DYNC2H1: variants seen among roughly 807,000 people sequenced by gnomAD.
DYNC2H1 encodes dynein cytoplasmic 2 heavy chain 1.
In DYNC2H1, 410 loss-of-function variants were observed where a neutral mutation model predicts 570.0. The observed-to-expected ratio is 0.72, with a 90% confidence interval of 0.66 to 0.78. DYNC2H1 has a LOEUF of 0.78. Ranked by LOEUF, DYNC2H1 falls within the 30% of genes least tolerant of loss-of-function variation. The pLI is 0.00. For synonymous variants in DYNC2H1, 1,688 were observed against 1,677.6 expected, an observed-to-expected ratio of 1.01 and a Z score of -0.15; for missense variants, 4,865 against 5,046.4, an observed-to-expected ratio of 0.96 and a Z score of 1.09.
At chr11:103,397,388 A>G (rs1942443683) in intron 83 of DYNC2H1, among the ~76,000 whole-genome samples, 1 of 152,226 alleles carries the variant, frequency 6.6e-6, no homozygotes, top group African/African-American at 2.4e-5. Flanking sequence ...CATACTGCAT[A>G]GTCGTTGTAA....
Position 103,334,760 on chromosome 11 carries a change from A to G in DYNC2H1, c.12039+10770A>G, listed in dbSNP as rs1396171940. 6.6e-6 allele frequency among the ~76,000 whole-genome samples: 1 copy of G among 152,092 alleles called. No homozygotes were observed. Among genetic ancestry groups the G allele is most frequent in the Admixed American group, 6.5e-5 (1 of 15,282 alleles). ...TTAAAGTAGAGAGGATTTTTGTTTC[A>G]TGATAGAATTGACTGCTTGTAGAAC... is the stretch of plus-strand genomic sequence containing the variant. On this transcript the variant is annotated intron_variant, in intron 82 of 88. Transcript: ENST00000375735. The surrounding 1 kb of genome is among the most constrained non-coding windows in gnomAD (Gnocchi z 4.3).
chr11:103,141,790 G>A (rs1402109524), intron 17 of DYNC2H1, among the ~76,000 whole-genome samples: 1 of 152,222 alleles, frequency 6.6e-6, no homozygotes, highest in Admixed American at 6.5e-5. Flanking sequence ...TCTTTTTGTT[G>A]TCTGTGCCCT....
chr11:103,390,564 C>A (rs1031681521), intron 83 of DYNC2H1, among the ~76,000 whole-genome samples: 4 of 152,030 alleles, frequency 2.6e-5, no homozygotes, highest in African/African-American at 9.7e-5. Flanking sequence ...TTATTTTGCT[C>A]GTTAGTTGAT....
At chr11:103,155,041 T>C (rs1359795726) in intron 24 of DYNC2H1, among the ~76,000 whole-genome samples, 1 of 152,058 alleles carries the variant, frequency 6.6e-6, no homozygotes, top group Admixed American at 6.6e-5. Flanking sequence ...TGCTTATACA[T>C]TCCAGTCCAT....
chr11:103,110,221 A>G (rs1056930235), intron 1 of DYNC2H1, among the ~76,000 whole-genome samples: 1 of 151,964 alleles, frequency 6.6e-6, no homozygotes, highest in African/African-American at 2.4e-5. Context: ...GGGTTTCACC[A>G]CGTTGGCCAT....
At chr11:103,349,377 G>A (rs1591615409) in intron 82 of DYNC2H1, among the ~76,000 whole-genome samples, 1 of 152,030 alleles carries the variant, frequency 6.6e-6, no homozygotes, top group African/African-American at 2.4e-5. Context: ...GCATTTATAT[G>A]TTCCGTGTGT....
Position 103,113,027 on chromosome 11 carries a change from G to A in DYNC2H1, c.196-510G>A, listed in dbSNP as rs142727689. ...AAGATAAAGTTAATTTCAGGAGATA[G>A]ACAACTTAAGTTCATTTTGGTAGTT... is the stretch of plus-strand genomic sequence containing the variant. On this transcript the variant is annotated intron_variant, in intron 1 of 88. Coordinates refer to ENST00000375735, the MANE Select transcript of DYNC2H1 (RefSeq NM_001377.3). 3.6e-3 allele frequency among the ~76,000 whole-genome samples: 542 copies of A among 152,302 alleles called. 3 individuals carry two copies. The highest frequency in any genetic ancestry group is 6.6e-3 in the Non-Finnish European group (449 of 68,024).
intron 34 of DYNC2H1, among the ~76,000 whole-genome samples, chr11:103,171,538 G>A (rs1463090074): frequency 6.6e-6 from 1 of 152,108 alleles, no homozygotes; most frequent in Non-Finnish European, 1.5e-5. Flanking sequence ...TTACTGGTGT[G>A]AGCCCCACAC....
At chr11:103,362,531 T>C (rs950083060) in intron 83 of DYNC2H1, among the ~76,000 whole-genome samples, 1 of 152,100 alleles carries the variant, frequency 6.6e-6, no homozygotes, top group Non-Finnish European at 1.5e-5. Flanking sequence ...GAAATATTTT[T>C]CCCACTTTTT....
At chr11:103,464,092 A>G (rs1945111173) in intron 87 of DYNC2H1, among the ~76,000 whole-genome samples, 1 of 152,230 alleles carries the variant, frequency 6.6e-6, no homozygotes. Context: ...AATCATTCAG[A>G]TGAAACAGCT....
chr11:103,305,114 A>C lies in DYNC2H1; in HGVS notation c.11382+394A>C, dbSNP rs1056092060. Among the ~76,000 whole-genome samples the C allele has an allele frequency of 6.6e-6, 1 of 152,156 alleles. No individual in the cohort carries two copies. Among genetic ancestry groups the C allele is most frequent in the Non-Finnish European group, 1.5e-5 (1 of 68,028 alleles). On this transcript the variant is annotated intron_variant, in intron 77 of 88. Transcript: ENST00000375735. The surrounding 1 kb of genome is among the most constrained non-coding windows in gnomAD (Gnocchi z 4.3). The stretch of plus-strand genomic sequence containing the variant: ...GGAAGCTAGAGAATAAACTGAAGCA[A>C]ATGTTTCGTTTATCTCAAATGGACT...
chr11:103,315,224 A>T (rs1333462310), intron 79 of DYNC2H1, among the ~76,000 whole-genome samples: 2 of 152,062 alleles, frequency 1.3e-5, no homozygotes, highest in Non-Finnish European at 2.9e-5. Context: ...CATGTCTGAA[A>T]ATTCACGTAT....
rs1862719238 is a variant in DYNC2H1 at position 103,201,524 on chromosome 11, T to C, written c.8197+1370T>C. ...AACAACAACAACAACTAAAAACGAA[T>C]TCTTTGCTACTACCCTAAATCCATT... On this transcript the variant is annotated intron_variant, in intron 50 of 88. Coordinates refer to ENST00000375735, the MANE Select transcript of DYNC2H1 (RefSeq NM_001377.3). This position sits in a 1 kb window ranked among gnomAD's most constrained non-coding sequence, Gnocchi z 4.8. 1.3e-5 allele frequency among the ~76,000 whole-genome samples: 2 copies of C among 152,114 alleles called. No individual in the cohort carries two copies. The highest frequency in any genetic ancestry group is 4.1e-4 in the South Asian group (2 of 4,828).
chr11:103,127,203 G>T (rs1417899288), intron 12 of DYNC2H1, among the ~76,000 whole-genome samples: 2 of 152,150 alleles, frequency 1.3e-5, no homozygotes, highest in Non-Finnish European at 2.9e-5. Flanking sequence ...AAGCAGAGAG[G>T]CTTGCTTACT....
chr11:103,118,422 A>G (rs976184649), intron 6 of DYNC2H1, among the ~76,000 whole-genome samples: 6 of 152,096 alleles, frequency 3.9e-5, no homozygotes, highest in African/African-American at 1.4e-4. Flanking sequence ...GTAAAATAGT[A>G]TAATGAATGT....
chr11:103,467,628 C>T (rs979277811), intron 87 of DYNC2H1, among the ~76,000 whole-genome samples: 4 of 152,166 alleles, frequency 2.6e-5, no homozygotes, highest in African/African-American at 9.7e-5. Flanking sequence ...AGCTCCGCTT[C>T]CCGGATTCAC....
chr11:103,357,116 A>T (rs562445694), intron 82 of DYNC2H1, among the ~76,000 whole-genome samples: 1 of 152,286 alleles, frequency 6.6e-6, no homozygotes, highest in Non-Finnish European at 1.5e-5. Flanking sequence ...ATAAACACAC[A>T]TATATCACAT....
Position 103,135,943 on chromosome 11 carries a change from C to T in DYNC2H1, c.2569C>T (p.His857Tyr), listed in dbSNP as rs527855704. The change falls in exon 17 of 89, where the codon CAT becomes TAT. Residue 857 changes from histidine to tyrosine, a missense_variant. By Grantham distance (83) the His-to-Tyr change is moderately conservative (BLOSUM62 2). Transcript: ENST00000375735. ...FRRLSAVLHQ[H>Y]KEWIVIGQVD... ...AAGATTGTCAGCTGTTTTACACCAA[C>T]ATAAGGTATAGAACATGTAATGTTC... The T allele has an allele frequency of 1.3e-4, 206 of 1,601,312 alleles. 1 individual carries two copies. The highest frequency in any genetic ancestry group is 7.0e-4 in the South Asian group (62 of 88,564).
chr11:103,364,599 G>GTT (rs36030711), intron 83 of DYNC2H1, among the ~76,000 whole-genome samples: 6 of 130,046 alleles, frequency 4.6e-5, no homozygotes, highest in Non-Finnish European at 6.8e-5. Context: ...AAATCTTGTT[G>GTT]TTTTTTTTTT....
Sources: gnomAD v4.1 joint callset for allele counts (sites outside exome capture counted in the v4.1 genomes callset) on GRCh38, gnomAD v4.1.1 for gene constraint, Gnocchi (gnomAD v3.1) non-coding constraint, MANE v1.5 for transcripts, NCBI Gene and HGNC (gene_info 2026-07-23, HGNC 2026-07-21) for gene names.